The following CBLB variants were observed in gnomAD, a reference collection of about 807,000 sequenced individuals.
The protein encoded by CBLB is Cbl proto-oncogene B, also known as E3 ubiquitin-protein ligase CBL-B.
In CBLB, 31 loss-of-function variants were observed where a neutral mutation model predicts 104.9. The observed-to-expected ratio is 0.30, with a 90% CI of 0.22 to 0.40. The LOEUF (loss-of-function observed/expected upper bound fraction) is 0.40. Among genes scored for constraint, CBLB ranks in the 10% least tolerant of loss-of-function variants. The probability of loss-of-function intolerance (pLI) is 1.00; values close to 1 mark genes in which losing one functional copy is unlikely to be tolerated. For missense variants in CBLB, 1,062 were observed against 1,214.6 expected (o/e 0.87, Z 1.87); for synonymous variants, 440 against 422.6 (o/e 1.04, Z -0.51).
At chr3:105,717,592 A>G (rs2072096111) in intron 10 of CBLB, among the ~76,000 whole-genome samples, 1 of 152,214 alleles carries the variant, frequency 6.6e-6, no homozygotes, top group African/African-American at 2.4e-5. Context: ...AACATATGTC[A>G]TTCTTTCAAC....
At chr3:105,855,704 A>G (rs1453188479) in intron 2 of CBLB, among the ~76,000 whole-genome samples, 2 of 152,224 alleles carry the variant, frequency 1.3e-5, no homozygotes, top group African/African-American at 4.8e-5. Context: ...GAAGATAATC[A>G]AAGTATAAAA....
chr3:105,796,594 A>C (rs1282852785), intron 3 of CBLB, among the ~76,000 whole-genome samples: 1 of 152,220 alleles, frequency 6.6e-6, no homozygotes, highest in Non-Finnish European at 1.5e-5. Flanking sequence ...GACAAATGGG[A>C]CTTAATTAAA....
chr3:105,744,155 G>C (rs529657061), intron 6 of CBLB, among the ~76,000 whole-genome samples: 54 of 152,218 alleles, frequency 3.5e-4, no homozygotes, highest in Admixed American at 1.3e-3. Context: ...TGTAATTCAT[G>C]TTCTCCATGA....
chr3:105,734,976 TA>T (rs140847618), intron 8 of CBLB, among the ~76,000 whole-genome samples: 2,666 of 152,050 alleles, frequency 0.018, 70 homozygotes, highest in African/African-American at 0.061. Context: ...TTTGAAAAAA[TA>T]CAAATAAATT....
chr3:105,857,480 A>G (rs2091726617), intron 2 of CBLB, among the ~76,000 whole-genome samples: 1 of 152,190 alleles, frequency 6.6e-6, no homozygotes. Flanking sequence ...GGATCTTAGT[A>G]AAGATTCCAC....
intron 10 of CBLB, among the ~76,000 whole-genome samples, chr3:105,710,731 G>A (rs1026209448): frequency 4.0e-5 from 6 of 151,758 alleles, no homozygotes; most frequent in African/African-American, 1.4e-4. Context: ...CTAGAATCCT[G>A]GTGTTCTAGA....
chr3:105,674,864 C>T (rs2065429211), intron 17 of CBLB, among the ~76,000 whole-genome samples: 1 of 152,092 alleles, frequency 6.6e-6, no homozygotes, highest in South Asian at 2.1e-4. Context: ...ACATGAAGGC[C>T]TAAAATAGAA....
chr3:105,825,707 A>G (rs2153067218), intron 3 of CBLB, among the ~76,000 whole-genome samples: 1 of 152,326 alleles, frequency 6.6e-6, no homozygotes, highest in Admixed American at 6.5e-5. Flanking sequence ...TCCTCATTAA[A>G]TTGTTTTAAA....
At position 105,656,200 on chromosome 3, in the gene CBLB, T is replaced by A. The variant is rs2063331547; in HGVS notation, c.*2770A>T. 4.6e-6 allele frequency: 1 copy of A among 217,440 alleles called. No individual in the cohort carries two copies. The highest frequency in any genetic ancestry group is 9.3e-6 in the Non-Finnish European group (1 of 108,108). 13.5% of individuals were successfully genotyped at this position (217,440 alleles called of 1,614,324 possible). A position where few individuals can be genotyped will look rare whatever the true frequency, so the allele number is the denominator to read the frequency against. On this transcript the variant is annotated 3_prime_UTR_variant, in exon 19 of 19. Transcript: ENST00000394030. ...AAGTCCTTCTATCTCCAGAACATGT[T>A]TGGGTTGGGTGAGAAGGGTTGATAT...
At chr3:105,740,208 C>A (rs1301107279) in intron 7 of CBLB, among the ~76,000 whole-genome samples, 1 of 152,188 alleles carries the variant, frequency 6.6e-6, no homozygotes, top group Non-Finnish European at 1.5e-5. Flanking sequence ...AACAGTTTTA[C>A]ATCCATTTTA....
At chr3:105,829,408 T>C (rs187251702) in intron 3 of CBLB, among the ~76,000 whole-genome samples, 3 of 152,112 alleles carry the variant, frequency 2.0e-5, no homozygotes, top group African/African-American at 7.2e-5. Flanking sequence ...CCTGTGATCT[T>C]GACGCTTTGG....
At chr3:105,842,504 T>C (rs953198827) in intron 3 of CBLB, among the ~76,000 whole-genome samples, 1 of 152,218 alleles carries the variant, frequency 6.6e-6, no homozygotes, top group Admixed American at 6.5e-5. Context: ...TGCCCTTCTT[T>C]ACTATGGAGG....
At chr3:105,682,117 TTCA>T in intron 14 of CBLB, 1 of 304,846 alleles carries the variant, frequency 3.3e-6, no homozygotes, top group East Asian at 6.9e-5. Flanking sequence ...TGTGGAAGAA[TTCA>T]ATAGAACCTG....
intron 10 of CBLB, among the ~76,000 whole-genome samples, chr3:105,706,148 A>C (rs914708636): frequency 1.3e-5 from 2 of 152,068 alleles, no homozygotes; most frequent in African/African-American, 4.8e-5. Flanking sequence ...TCTCTAAAAA[A>C]ATAATAAAAT....
chr3:105,858,438 G>C (rs1338885237), intron 2 of CBLB, among the ~76,000 whole-genome samples: 3 of 152,050 alleles, frequency 2.0e-5, no homozygotes, highest in Non-Finnish European at 4.4e-5. Context: ...TCACCACCAG[G>C]GTCAAGTTCA....
intron 1 of CBLB, among the ~76,000 whole-genome samples, 191 bp from the exon 2 acceptor site, chr3:105,867,782 G>C (rs191166143): frequency 4.6e-5 from 7 of 151,646 alleles, no homozygotes; most frequent in Admixed American, 2.0e-4. Context: ...GTAGTTTTAA[G>C]AGCAGTGATC....
rs146156485 is a variant in CBLB, at chr3:105,737,699, A to G, written c.984-441T>C. Among the ~76,000 whole-genome samples, 37 of 152,258 alleles carry G rather than the reference A, an allele frequency of 2.4e-4. 1 individual carries two copies. The East Asian group carries it at 5.8e-3, about 24-fold the overall frequency. ...AAAGAAAAATATAATTAAAGGCCAC[A>G]GTTTTCTTGTAAGTTACTCAAACAC... On this transcript the variant is annotated intron_variant, in intron 7 of 18. Transcript: ENST00000394030.
intron 4 of CBLB, among the ~76,000 whole-genome samples, chr3:105,765,460 C>G (rs909685931): frequency 1.3e-5 from 2 of 152,110 alleles, no homozygotes; most frequent in Non-Finnish European, 2.9e-5. Flanking sequence ...TTTGTCAGCA[C>G]CTTGATCTTG....
intron 3 of CBLB, among the ~76,000 whole-genome samples, chr3:105,800,878 A>C: frequency 6.6e-6 from 1 of 152,198 alleles, no homozygotes; most frequent in Non-Finnish European, 1.5e-5. Flanking sequence ...TCGAATTTAG[A>C]TAATAAACAT....
Sources: allele counts gnomAD v4.1 joint callset (sites outside exome capture counted in the v4.1 genomes callset), GRCh38; gene constraint gnomAD v4.1.1; transcripts MANE v1.5; gene names NCBI Gene and HGNC (gene_info 2026-07-23, HGNC 2026-07-21).